Variants in LRRC8C observed in about 807,000 individuals in gnomAD.
LRRC8C encodes the protein leucine rich repeat containing 8 VRAC subunit C, also known as volume-regulated anion channel subunit LRRC8C.
Under a neutral mutation model 55.3 loss-of-function variants are expected in LRRC8C, and 20 were observed. That is an observed-to-expected ratio of 0.36 (90% CI 0.25 to 0.53). LRRC8C has a LOEUF of 0.53. Among genes scored for constraint, LRRC8C ranks in the 20% least tolerant of loss-of-function variants. The pLI is 0.92. For synonymous variants in LRRC8C, 376 were observed against 360.7 expected (o/e 1.04, Z -0.48); for missense variants, 659 against 951.4 (o/e 0.69, Z 4.04).
chr1:89,622,615 G>T, the LRRC8C span, among the ~76,000 whole-genome samples: 1 of 152,270 alleles, frequency 6.6e-6, no homozygotes, highest in East Asian at 1.9e-4. Flanking sequence ...TTACAGGGGT[G>T]AGCCACCGCG....
the LRRC8C span, chr1:89,626,502 A>T: frequency 6.6e-6 from 1 of 152,232 alleles, no homozygotes; most frequent in Admixed American, 6.5e-5. Context: ...ATTAGGATAT[A>T]TACCACTTTT....
intron 1 of LRRC8C, among the ~76,000 whole-genome samples, chr1:89,649,260 TG>T (rs1357955956): frequency 6.6e-6 from 1 of 152,210 alleles, no homozygotes; most frequent in East Asian, 1.9e-4. Context: ...TAATCATTAC[TG>T]GAATATCAAT....
chr1:89,702,110 G>T lies in LRRC8C; in HGVS notation c.139-10599G>T, dbSNP rs1658348162. ...TGCCGACCAGAAACTGAGTCAGCCT[G>T]TCCACTGTCTTGCAGACTGACTCTG... On this transcript the variant is annotated intron_variant, in intron 2 of 2. Transcript: ENST00000370454. Among the ~76,000 whole-genome samples, 5 of 152,268 alleles carry T rather than the reference G, an allele frequency of 3.3e-5. No individual in the cohort carries two copies. In the South Asian group the frequency reaches 1.0e-3, roughly 32 times the overall value.
chr1:89,633,613 C>T (rs1057398118), intron 1 of LRRC8C, among the ~76,000 whole-genome samples: 9 of 152,100 alleles, frequency 5.9e-5, no homozygotes, highest in African/African-American at 1.9e-4. Flanking sequence ...AGCGGCAGGT[C>T]CTGCAGACTG....
At chr1:89,652,441 C>G (rs1272782101) in intron 1 of LRRC8C, among the ~76,000 whole-genome samples, 1 of 152,160 alleles carries the variant, frequency 6.6e-6, no homozygotes, top group Non-Finnish European at 1.5e-5. Context: ...AATTTTGAAG[C>G]TTCAAGTAAT....
chr1:89,652,253 A>G (rs559326852), intron 1 of LRRC8C, among the ~76,000 whole-genome samples: 1 of 152,172 alleles, frequency 6.6e-6, no homozygotes, highest in African/African-American at 2.4e-5. Context: ...AACAGGATCT[A>G]TGTGGGAAAG....
At chr1:89,674,500 G>C (rs1351499630) in intron 1 of LRRC8C, among the ~76,000 whole-genome samples, 1 of 152,138 alleles carries the variant, frequency 6.6e-6, no homozygotes, top group African/African-American at 2.4e-5. Context: ...TTCTCCTTTA[G>C]ATACAAAGCC....
chr1:89,684,170 A>G (rs1193275652), intron 1 of LRRC8C, among the ~76,000 whole-genome samples: 1 of 152,108 alleles, frequency 6.6e-6, no homozygotes, highest in Non-Finnish European at 1.5e-5. Flanking sequence ...GGTTCTCCTC[A>G]TTGTTTTAGA....
chr1:89,619,187 A>G, the LRRC8C span, among the ~76,000 whole-genome samples: 1 of 152,176 alleles, frequency 6.6e-6, no homozygotes, highest in African/African-American at 2.4e-5. Context: ...ATTTTTCTAT[A>G]TCAGTAACTA....
chr1:89,683,267 T>C (rs895420914), intron 1 of LRRC8C, among the ~76,000 whole-genome samples: 5 of 152,182 alleles, frequency 3.3e-5, no homozygotes, highest in Admixed American at 2.6e-4. Context: ...AAATTACCAA[T>C]GCATGATGTT....
chr1:89,666,556 G>A (rs1657270722), intron 1 of LRRC8C, among the ~76,000 whole-genome samples: 1 of 152,068 alleles, frequency 6.6e-6, no homozygotes. Context: ...TCTCTCAGGT[G>A]GCCTCTTTGA....
intron 2 of LRRC8C, among the ~76,000 whole-genome samples, chr1:89,694,342 A>G (rs1658106437): frequency 6.6e-6 from 1 of 152,188 alleles, no homozygotes; most frequent in Admixed American, 6.5e-5. Context: ...AAAAAGTGAT[A>G]TGGTGTATTA....
intron 1 of LRRC8C, among the ~76,000 whole-genome samples, chr1:89,654,798 G>A (rs1333236338): frequency 2.0e-5 from 3 of 151,022 alleles, no homozygotes; most frequent in Non-Finnish European, 4.4e-5. Flanking sequence ...AAGCTTTTAG[G>A]ATCTTCTCAT....
At position 89,715,890 on chromosome 1, in the gene LRRC8C, G is replaced by A. The variant is rs200277003; in HGVS notation, c.*908G>A. ...AAATTTACTAAAGCACCCTGTTAAA[G>A]AGCTGGTGTGCTCCAGTGAGGCCCT... On this transcript the variant is annotated 3_prime_UTR_variant, in exon 3 of 3. Transcript: ENST00000370454. 1 of 152,246 alleles carries A rather than the reference G, an allele frequency of 6.6e-6. No homozygotes were observed. Among genetic ancestry groups the A allele is most frequent in the East Asian group, 1.9e-4 (1 of 5,188 alleles). The allele number at this position is 152,246 out of a possible 1,614,324, so 9.4% of individuals were successfully genotyped here.
Position 89,637,828 on chromosome 1 carries a change from A to C in LRRC8C, c.-5+4506A>C, listed in dbSNP as rs547278681. Among the ~76,000 whole-genome samples the C allele has an allele frequency of 4.6e-5, 7 of 152,160 alleles. No homozygotes were observed. The South Asian group carries it at 1.2e-3, about 27-fold the overall frequency. ...AGGCATAAGACAAACAAAACCTTAG[A>C]CTCTCTACTTAGGAGTGTAACATAC... On this transcript the variant is annotated intron_variant, in intron 1 of 2. Transcript: ENST00000370454.
At chr1:89,690,714 C>T (rs1658004639) in intron 2 of LRRC8C, among the ~76,000 whole-genome samples, 3 of 152,148 alleles carry the variant, frequency 2.0e-5, no homozygotes, top group Admixed American at 2.0e-4. Flanking sequence ...ACCTCTTTTC[C>T]TGTGTGCTGG....
chr1:89,641,539 G>C (rs1953821), intron 1 of LRRC8C, among the ~76,000 whole-genome samples: 91,893 of 151,884 alleles, frequency 0.61, 28,505 homozygotes, highest in East Asian at 0.79. Context: ...AGGTTCTGTT[G>C]CTGATCAAGT....
chr1:89,690,929 A>G (rs994305329), intron 2 of LRRC8C, among the ~76,000 whole-genome samples: 1 of 152,228 alleles, frequency 6.6e-6, no homozygotes, highest in African/African-American at 2.4e-5. Flanking sequence ...ATCTGATGCC[A>G]GTTGACTGGG....
chr1:89,628,397 T>C (rs541362665), upstream of LRRC8C, among the ~76,000 whole-genome samples: 44 of 152,310 alleles, frequency 2.9e-4, no homozygotes, highest in African/African-American at 1.0e-3. Flanking sequence ...TTTATTATTA[T>C]TTTTATTTTT....
Sources: allele counts gnomAD v4.1 joint callset (sites outside exome capture counted in the v4.1 genomes callset), GRCh38; gene constraint gnomAD v4.1.1; transcripts MANE v1.5; gene names NCBI Gene and HGNC (gene_info 2026-07-23, HGNC 2026-07-21).